The following PREX2 variants were observed in gnomAD, a reference collection of about 807,000 sequenced individuals.
PREX2 encodes the protein phosphatidylinositol 3,4,5-trisphosphate-dependent Rac exchanger 2 protein.
Under a neutral mutation model 203.2 loss-of-function variants are expected in PREX2, and 107 were observed. That is an observed-to-expected ratio of 0.53 (90% confidence interval 0.45 to 0.62). PREX2 has a LOEUF of 0.62. PREX2 is among the 20% of genes least tolerant of loss of function. The pLI, the probability that PREX2 is intolerant of heterozygous loss-of-function variation, is 0.00. For synonymous variants in PREX2, 672 were observed against 663.6 expected, an observed-to-expected ratio of 1.01 and a Z score of -0.19; for missense variants, 1,777 against 1,955.9, an observed-to-expected ratio of 0.91 and a Z score of 1.72.
At chr8:68,084,148 C>T (rs1024244190) in intron 18 of PREX2, among the ~76,000 whole-genome samples, 1 of 152,044 alleles carries the variant, frequency 6.6e-6, no homozygotes, top group Non-Finnish European at 1.5e-5. Flanking sequence ...TCATTTCCAT[C>T]AATGGTTTAG....
intron 35 of PREX2, among the ~76,000 whole-genome samples, chr8:68,158,585 T>A (rs1811593352): frequency 6.6e-6 from 1 of 152,154 alleles, no homozygotes; most frequent in African/African-American, 2.4e-5. Flanking sequence ...CTATGCATTG[T>A]TAAGCTCTAG....
At position 68,036,806 on chromosome 8, in the gene PREX2, G is replaced by C. The variant is rs190077321; in HGVS notation, c.706-1353G>C. On this transcript the variant is annotated intron_variant, in intron 6 of 39. Transcript: ENST00000288368. ...TCTAAAAATATAAAATTAGCTGGGC[G>C]TGGTGGCATGCCTGTAATCCTAGCT... Among the ~76,000 whole-genome samples, 91 of 152,174 alleles carry C rather than the reference G, an allele frequency of 6.0e-4. No homozygotes were observed. The East Asian group carries it at 0.016, about 28-fold the overall frequency.
At chr8:68,009,329 A>T (rs78626790) in intron 1 of PREX2, among the ~76,000 whole-genome samples, 4,816 of 152,314 alleles carry the variant, frequency 0.032, 113 homozygotes, top group Non-Finnish European at 0.049. Flanking sequence ...TATACAATGT[A>T]CTTTGTACTT....
rs532566475 is a variant in PREX2 at position 68,016,111 on chromosome 8, T to G, written c.142-1735T>G. On this transcript the variant is annotated intron_variant, in intron 1 of 39. Coordinates refer to ENST00000288368, the MANE Select transcript of PREX2 (RefSeq NM_024870.4). ...TTATTTTAAATAGTCTTGTTCCTCT[T>G]TTGATATAAGTTATAACATGCTTAT... Among the ~76,000 whole-genome samples, 5 of 152,322 alleles carry G rather than the reference T, an allele frequency of 3.3e-5. No individual in the cohort carries two copies. In the South Asian group the frequency reaches 1.0e-3, roughly 32 times the overall value.
chr8:68,103,820 A>T (rs13262734), intron 23 of PREX2: 1 of 461,162 alleles, frequency 2.2e-6, no homozygotes, highest in East Asian at 5.6e-5. Flanking sequence ...TCCTATGCTG[A>T]CTCCGCCTTT....
rs146365194 is a variant in PREX2 at position 68,119,255 on chromosome 8, G to A, written c.3422-177G>A. 4.6e-3 allele frequency among the ~76,000 whole-genome samples: 707 copies of A among 152,278 alleles called. 4 individuals are homozygous for A. Among genetic ancestry groups the A allele is most frequent in the Non-Finnish European group, 6.3e-3 (431 of 68,010 alleles). The stretch of plus-strand genomic sequence containing the variant: ...AGGCACTCCGCCTTCAGAAGAAATA[G>A]TAACATCCCAGGAGCTATGAAATCT... On this transcript the variant is annotated intron_variant, in intron 27 of 39. Transcript: ENST00000288368.
chr8:68,199,555 A>C (rs1023360737), intron 37 of PREX2, among the ~76,000 whole-genome samples: 1 of 152,266 alleles, frequency 6.6e-6, no homozygotes, highest in Non-Finnish European at 1.5e-5. Flanking sequence ...TTGTTAAAAA[A>C]GTGAAATTTA....
intron 1 of PREX2, among the ~76,000 whole-genome samples, chr8:67,968,396 C>A (rs751356713): frequency 6.6e-6 from 1 of 152,102 alleles, no homozygotes; most frequent in Non-Finnish European, 1.5e-5. Flanking sequence ...TCTTAAGCAG[C>A]CTTTTGCGGA....
At chr8:68,105,354 C>G in intron 23 of PREX2, 1 of 1,366,260 alleles carries the variant, frequency 7.3e-7, no homozygotes, top group Non-Finnish European at 9.8e-7. Flanking sequence ...AGAGAGGGCC[C>G]CTGTCTGATT....
At chr8:68,061,269 C>T (rs1039759378) in intron 11 of PREX2, among the ~76,000 whole-genome samples, 4 of 152,120 alleles carry the variant, frequency 2.6e-5, no homozygotes, top group East Asian at 1.9e-4. Flanking sequence ...AACATACTGG[C>T]GAGGGGAGGT....
At chr8:68,096,584 T>C (rs1031850764) in intron 21 of PREX2, among the ~76,000 whole-genome samples, 4 of 152,200 alleles carry the variant, frequency 2.6e-5, no homozygotes, top group African/African-American at 9.6e-5. Context: ...AAAATGATTC[T>C]TGCATCTCCT....
Position 68,087,730 on chromosome 8 carries a change from GA to G in PREX2, c.2038del (p.Ile680PhefsTer23), listed in dbSNP as rs1809739318. The G allele has an allele frequency of 6.2e-7, 1 of 1,612,560 alleles. No homozygotes were observed. Among genetic ancestry groups the G allele is most frequent in the African/African-American group, 1.3e-5 (1 of 74,890 alleles). ...LVSTKPRETV[K>X]IPDSADGLGF... The stretch of plus-strand genomic sequence containing the variant: ...TATTTTCTGATTGATTTAGGACAGT[GA>G]AAATTCCAGATTCAGCTGATGGACT... On this transcript the variant is annotated frameshift_variant, in exon 19 of 40. Coordinates refer to ENST00000288368, the MANE Select transcript of PREX2 (RefSeq NM_024870.4). LOFTEE classifies it high-confidence loss of function.
At chr8:68,209,058 C>T (rs1412231071) in intron 37 of PREX2, among the ~76,000 whole-genome samples, 6 of 139,938 alleles carry the variant, frequency 4.3e-5, no homozygotes, top group African/African-American at 1.6e-4. Context: ...CAGAGCAAGA[C>T]CTGGACTCAT....
In PREX2 at chr8:68,099,797, G is replaced by A. The variant is rs1810206263; in HGVS notation, c.2669G>A (p.Ser890Asn). 2.5e-6 allele frequency: 4 copies of A among 1,612,444 alleles called. No homozygotes were observed. The highest frequency in any genetic ancestry group is 1.7e-5 in the Admixed American group (1 of 59,990). ...CAGAGTAAATTCAGTGCCCTTTGCA[G>A]TGAAAGAATTGAACACCTATGTCAG... ...DLQSKFSALCSERIEHLCQRI... is the reference protein window; with the variant it reads ...DLQSKFSALCNERIEHLCQRI... Residue 890 changes from serine to asparagine, a missense_variant, in exon 23 of 40, where the codon AGT becomes AAT. Transcript: ENST00000288368.
At chr8:68,053,308 A>G in intron 9 of PREX2, 62 bp downstream of exon 9, 1 of 1,537,548 alleles carries the variant, frequency 6.5e-7, no homozygotes, top group South Asian at 1.2e-5. Flanking sequence ...ATAGGAGCAG[A>G]TAATGGGAAA....
At position 67,952,342 on chromosome 8, in the gene PREX2, C is replaced by G. The variant is rs188373854; in HGVS notation, c.-53C>G. 1.5e-6 allele frequency: 2 copies of G among 1,341,596 alleles called. No individual in the cohort carries two copies. The highest frequency in any genetic ancestry group is 1.9e-6 in the Non-Finnish European group (2 of 1,049,954). 83.1% of individuals were successfully genotyped at this position (1,341,596 alleles called of 1,614,324 possible). On this transcript the variant is annotated 5_prime_UTR_variant, in exon 1 of 40. Coordinates refer to ENST00000288368, the MANE Select transcript of PREX2 (RefSeq NM_024870.4). ...CGGGGGCCGGGCAGCAGCGGGCGCG[C>G]GGGTCAGCGCTCAGCACGGCGGGCA...
chr8:68,184,312 AG>A (rs1375876264), intron 35 of PREX2, among the ~76,000 whole-genome samples: 2 of 152,192 alleles, frequency 1.3e-5, no homozygotes, highest in African/African-American at 4.8e-5. Context: ...AGTAAAGTTC[AG>A]TTTAACAGTG....
Position 68,108,166 on chromosome 8 carries a change from A to G in PREX2, c.2773A>G (p.Ile925Val), listed in dbSNP as rs762471950. The G allele has an allele frequency of 1.1e-5, 17 of 1,613,800 alleles. No individual in the cohort carries two copies. In the East Asian group the frequency reaches 3.6e-4, roughly 34 times the overall value. Residue 925 changes from isoleucine (I) to valine (V), a missense_variant, in exon 24 of 40, where the codon ATC becomes GTC. Physicochemically the swap from Ile to Val is conservative, Grantham distance 29. Coordinates refer to ENST00000288368, the MANE Select transcript of PREX2 (RefSeq NM_024870.4). ...WPTFKQAKSKISPLHSSDFCP... is the reference protein window; with the variant it reads ...WPTFKQAKSKVSPLHSSDFCP... ...TACTTTTAAACAGGCCAAATCTAAA[A>G]TCTCCCCACTGCACAGCAGTGATTT...
chr8:68,227,443 G>A (rs1276618084), intron 39 of PREX2, among the ~76,000 whole-genome samples: 2 of 152,194 alleles, frequency 1.3e-5, no homozygotes, highest in African/African-American at 4.8e-5. Context: ...CAGCTTGGTA[G>A]TACTGAGATT....
Sources: allele counts gnomAD v4.1 joint callset (sites outside exome capture counted in the v4.1 genomes callset), GRCh38; gene constraint gnomAD v4.1.1; transcripts MANE v1.5; gene names NCBI Gene and HGNC (gene_info 2026-07-23, HGNC 2026-07-21).